The following CAMK1D variants were observed in gnomAD, a reference collection of about 807,000 sequenced individuals.
CAMK1D encodes calcium/calmodulin-dependent protein kinase type 1D.
In CAMK1D, 9 loss-of-function variants were observed where a neutral mutation model predicts 47.7. The ratio of observed to expected loss-of-function variants is 0.19; its 90% confidence interval spans 0.11 to 0.33. The LOEUF is 0.33. Among genes scored for constraint, CAMK1D ranks in the 10% least tolerant of loss-of-function variants. CAMK1D has a pLI of 1.00. For synonymous variants in CAMK1D, 184 were observed against 184.9 expected, an observed-to-expected ratio of 0.99 and a Z score of 0.04; for missense variants, 291 against 488.7, an observed-to-expected ratio of 0.60 and a Z score of 3.81.
At chr10:12,752,049 T>A (rs1402362703) in intron 3 of CAMK1D, among the ~76,000 whole-genome samples, 1 of 151,698 alleles carries the variant, frequency 6.6e-6, no homozygotes, top group Non-Finnish European at 1.5e-5. Flanking sequence ...TGGCGCAATC[T>A]CGGCTCACCA....
chr10:12,767,141 A>G (rs1001999951), intron 4 of CAMK1D, among the ~76,000 whole-genome samples: 2 of 152,158 alleles, frequency 1.3e-5, no homozygotes, highest in African/African-American at 4.8e-5. Flanking sequence ...TGTGAACCCA[A>G]AAATACCTGA....
At chr10:12,380,611 A>G (rs1269939478) in intron 1 of CAMK1D, among the ~76,000 whole-genome samples, 1 of 152,222 alleles carries the variant, frequency 6.6e-6, no homozygotes, top group East Asian at 1.9e-4. Context: ...TAATCCCAGC[A>G]CTTTGGGAGG....
At chr10:12,820,121 C>T (rs1323366894) in intron 8 of CAMK1D, among the ~76,000 whole-genome samples, 1 of 152,166 alleles carries the variant, frequency 6.6e-6, no homozygotes, top group Non-Finnish European at 1.5e-5. Flanking sequence ...CTCACTGCAA[C>T]CTCCGCTTCC....
rs151130126 is a variant in CAMK1D at position 12,610,945 on chromosome 10, G to C, written c.225-55791G>C. Among the ~76,000 whole-genome samples, 277 of 152,296 alleles carry C rather than the reference G, an allele frequency of 1.8e-3. 1 individual carries two copies. The highest frequency in any genetic ancestry group is 5.6e-3 in the African/African-American group (233 of 41,554). On this transcript the variant is annotated intron_variant, in intron 2 of 10. Coordinates refer to ENST00000619168, the MANE Select transcript of CAMK1D (RefSeq NM_153498.4). ...ACCCGATAACCCCTTAAGGGAACAG[G>C]TAATAGCAGCAAACACTTACATAGC...
chr10:12,593,388 A>G (rs961789930), intron 2 of CAMK1D, among the ~76,000 whole-genome samples: 2 of 151,910 alleles, frequency 1.3e-5, no homozygotes, highest in Admixed American at 6.6e-5. Flanking sequence ...TCAGGAGTTC[A>G]ACACCAGCCT....
At chr10:12,363,317 C>T (rs1215794052) in intron 1 of CAMK1D, among the ~76,000 whole-genome samples, 1 of 151,838 alleles carries the variant, frequency 6.6e-6, no homozygotes, top group Admixed American at 6.6e-5. Context: ...TGCAGTGGTA[C>T]AGTCTCGGCC....
intron 3 of CAMK1D, among the ~76,000 whole-genome samples, chr10:12,708,570 T>G (rs1833817012): frequency 6.6e-6 from 1 of 152,236 alleles, no homozygotes; most frequent in Non-Finnish European, 1.5e-5. Flanking sequence ...CTATAAAGCT[T>G]CAGACGGCCT....
intron 1 of CAMK1D, among the ~76,000 whole-genome samples, chr10:12,531,540 C>T (rs1417956401): frequency 2.0e-5 from 3 of 152,130 alleles, no homozygotes; most frequent in Non-Finnish European, 2.9e-5. Flanking sequence ...CAGCGTGTAC[C>T]ATCATGAACT....
intron 3 of CAMK1D, among the ~76,000 whole-genome samples, chr10:12,746,844 T>C (rs1282166191): frequency 6.6e-6 from 1 of 152,210 alleles, no homozygotes; most frequent in Non-Finnish European, 1.5e-5. Context: ...CTGAGGTTCC[T>C]ACATTTTAGA....
intron 2 of CAMK1D, among the ~76,000 whole-genome samples, chr10:12,603,365 C>G (rs1371839413): frequency 6.6e-6 from 1 of 152,196 alleles, no homozygotes; most frequent in African/African-American, 2.4e-5. Flanking sequence ...GACCTCCTTC[C>G]AGGTCAACCC....
intron 1 of CAMK1D, among the ~76,000 whole-genome samples, chr10:12,500,984 A>C (rs1433072647): frequency 6.6e-6 from 1 of 152,178 alleles, no homozygotes; most frequent in East Asian, 1.9e-4. Context: ...AGGAAAGTGA[A>C]GCTTCCAGAG....
intron 2 of CAMK1D, among the ~76,000 whole-genome samples, chr10:12,637,971 G>C (rs951428522): frequency 6.6e-6 from 1 of 152,144 alleles, no homozygotes; most frequent in African/African-American, 2.4e-5. Flanking sequence ...AGCCCGGCCC[G>C]GTAGCCTCAT....
At chr10:12,369,315 C>T (rs1310293486) in intron 1 of CAMK1D, among the ~76,000 whole-genome samples, 1 of 152,154 alleles carries the variant, frequency 6.6e-6, no homozygotes, top group East Asian at 1.9e-4. Flanking sequence ...AACAACAAAA[C>T]CATCAGATAG....
chr10:12,537,421 G>A (rs1836011012), intron 1 of CAMK1D, among the ~76,000 whole-genome samples: 1 of 152,140 alleles, frequency 6.6e-6, no homozygotes, highest in Non-Finnish European at 1.5e-5. Context: ...AATTTAACAG[G>A]TATAGCCAGA....
At chr10:12,377,050 C>T (rs1295094312) in intron 1 of CAMK1D, among the ~76,000 whole-genome samples, 5 of 152,226 alleles carry the variant, frequency 3.3e-5, no homozygotes, top group Middle Eastern at 6.8e-3. Context: ...TGTGAGCCAC[C>T]GCACCCGGCC....
At chr10:12,528,894 G>T (rs988442675) in intron 1 of CAMK1D, among the ~76,000 whole-genome samples, 1 of 151,888 alleles carries the variant, frequency 6.6e-6, no homozygotes, top group Middle Eastern at 3.2e-3. Flanking sequence ...GGTGCATGCC[G>T]TTACACCTGG....
At chr10:12,688,963 G>A (rs1340631015) in intron 3 of CAMK1D, among the ~76,000 whole-genome samples, 5 of 152,224 alleles carry the variant, frequency 3.3e-5, no homozygotes, top group African/African-American at 7.2e-5. Flanking sequence ...GATTATAGGC[G>A]TGAGCCACCA....
At chr10:12,786,358 G>T (rs984793552) in intron 5 of CAMK1D, among the ~76,000 whole-genome samples, 3 of 152,060 alleles carry the variant, frequency 2.0e-5, no homozygotes, top group Non-Finnish European at 4.4e-5. Context: ...TTTGTTGGTC[G>T]ATATAACACA....
chr10:12,440,954 C>G lies in CAMK1D; in HGVS notation c.92+91044C>G, dbSNP rs201557025. 2.6e-5 allele frequency among the ~76,000 whole-genome samples: 4 copies of G among 152,374 alleles called. No individual in the cohort carries two copies. In the East Asian group the frequency reaches 5.8e-4, roughly 22 times the overall value. ...CCTAAAGTGGGCCAAAAAGAATTCT[C>G]TGGCTTGCCTGAAAGTCGGTCATAA... On this transcript the variant is annotated intron_variant, in intron 1 of 10. Transcript: ENST00000619168.
Sources: allele counts gnomAD v4.1 joint callset (sites outside exome capture counted in the v4.1 genomes callset), GRCh38; gene constraint gnomAD v4.1.1; transcripts MANE v1.5; gene names NCBI Gene and HGNC (gene_info 2026-07-23, HGNC 2026-07-21).